TFAM: variants seen among roughly 807,000 people sequenced by gnomAD.
The protein encoded by TFAM is mitochondrial transcription factor 1.
Under a neutral mutation model 30.6 loss-of-function variants are expected in TFAM, and 13 were observed. The ratio of observed to expected loss-of-function variants is 0.42; its 90% CI spans 0.28 to 0.67. The LOEUF is 0.67. Among genes scored for constraint, TFAM ranks in the 30% least tolerant of loss-of-function variants. The probability of loss-of-function intolerance (pLI) is 0.21; values close to 1 mark genes in which losing one functional copy is unlikely to be tolerated. For synonymous variants in TFAM, 106 were observed against 94.8 expected, an observed-to-expected ratio of 1.12 and a Z score of -0.69; for missense variants, 231 against 293.7, an observed-to-expected ratio of 0.79 and a Z score of 1.56.
In TFAM at chr10:58,385,628, T is replaced by G. The variant is rs1589010422; in HGVS notation, c.81T>G (p.Ser27Arg). Residue 27 changes from serine to arginine, a missense_variant, in exon 1 of 7, where the codon AGT becomes AGG. By Grantham distance (110) the Ser-to-Arg change is moderately radical. Transcript: ENST00000487519. ...SGAELCTGCG[S>R]RLRSPFSFVY... ...CAGAGCTGTGCACCGGCTGTGGAAG[T>G]CGACTGCGCTCCCCCTTCAGGTAGG... is the stretch of plus-strand genomic sequence containing the variant. 1 of 1,558,752 alleles carries G rather than the reference T, an allele frequency of 6.4e-7. No homozygotes were observed. The highest frequency in any genetic ancestry group is 8.7e-7 in the Non-Finnish European group (1 of 1,151,012).
chr10:58,390,026 A>G (rs991027204), intron 4 of TFAM, among the ~76,000 whole-genome samples: 5 of 152,194 alleles, frequency 3.3e-5, no homozygotes, highest in African/African-American at 1.2e-4. Context: ...AGTAGTTTCA[A>G]TACTCAGTGA....
rs1344566867 is a variant in TFAM at position 58,399,185 on chromosome 10, G to A, written c.*4111G>A. Reference sequence around the variant, plus strand: ...AGTAAATAAAGTTGACTCTAAACAGGAATTTTAAATAAACTAAACATTTTT... The same window carrying A: ...AGTAAATAAAGTTGACTCTAAACAGAAATTTTAAATAAACTAAACATTTTT... On this transcript the variant is annotated 3_prime_UTR_variant, in exon 7 of 7. Transcript: ENST00000487519. 1 of 152,062 alleles carries A rather than the reference G, an allele frequency of 6.6e-6. No individual in the cohort carries two copies. Among genetic ancestry groups the A allele is most frequent in the Non-Finnish European group, 1.5e-5 (1 of 68,018 alleles). The allele number at this position is 152,062 out of a possible 1,614,324, so 9.4% of individuals were successfully genotyped here.
In TFAM at chr10:58,388,278, C is replaced by T; in HGVS notation, c.291+18C>T. The T allele has an allele frequency of 6.2e-7, 1 of 1,606,672 alleles. No individual in the cohort carries two copies. Among genetic ancestry groups the T allele is most frequent in the Non-Finnish European group, 8.5e-7 (1 of 1,173,300 alleles). ...AGAAAAAAGTAAGCACATAAGTTTT[C>T]AACATTGCTGACCAGTTATTCTGCA... On this transcript the variant is annotated intron_variant, in intron 3 of 6. Transcript: ENST00000487519.
intron 2 of TFAM, among the ~76,000 whole-genome samples, chr10:58,387,923 C>T (rs568235719): frequency 8.0e-5 from 12 of 149,740 alleles, no homozygotes; most frequent in African/African-American, 2.7e-4. Flanking sequence ...GCCTGGGTGA[C>T]GGACCCTGTC....
At position 58,396,099 on chromosome 10, in the gene TFAM, G is replaced by A. The variant is rs2132363449; in HGVS notation, c.*1025G>A. On this transcript the variant is annotated 3_prime_UTR_variant, in exon 7 of 7. Transcript: ENST00000487519. ...TTTTATGATACTTGAAAATTAACATGAATATTTAGTGTTCATAAATAAAGT... is the reference window on the plus strand; with the variant it reads ...TTTTATGATACTTGAAAATTAACATAAATATTTAGTGTTCATAAATAAAGT... 1 of 152,452 alleles carries A rather than the reference G, an allele frequency of 6.6e-6. No homozygotes were observed. Among genetic ancestry groups the A allele is most frequent in the Middle Eastern group, 3.4e-3 (1 of 296 alleles). The allele number at this position is 152,452 out of a possible 1,614,324, so 9.4% of individuals were successfully genotyped here. A position where few individuals can be genotyped will look rare whatever the true frequency, so the allele number is the denominator to read the frequency against.
intron 5 of TFAM, among the ~76,000 whole-genome samples, chr10:58,393,671 G>A (rs1367182293): frequency 6.6e-6 from 1 of 152,106 alleles, no homozygotes; most frequent in Non-Finnish European, 1.5e-5. Flanking sequence ...AGGGTTGCTT[G>A]ATTCCAGGAG....
At position 58,396,472 on chromosome 10, in the gene TFAM, A is replaced by G. The variant is rs1290308707; in HGVS notation, c.*1398A>G. 3.3e-5 allele frequency: 5 copies of G among 152,258 alleles called. No homozygotes were observed. The highest frequency in any genetic ancestry group is 1.3e-4 in the Admixed American group (2 of 15,288). The allele number at this position is 152,258 out of a possible 1,614,324, so 9.4% of individuals were successfully genotyped here. A position where few individuals can be genotyped will look rare whatever the true frequency, so the allele number is the denominator to read the frequency against. On this transcript the variant is annotated 3_prime_UTR_variant, in exon 7 of 7. Transcript: ENST00000487519. ...TCAAATTACATTGCAGTATAATGAA[A>G]AAGATCCATATACTGTGGAATGATA...
At position 58,399,032 on chromosome 10, in the gene TFAM, C is replaced by G. The variant is rs1021807339; in HGVS notation, c.*3958C>G. 1.3e-4 allele frequency: 20 copies of G among 152,190 alleles called. No individual in the cohort carries two copies. The highest frequency in any genetic ancestry group is 3.6e-4 in the African/African-American group (15 of 41,448). The allele number at this position is 152,190 out of a possible 1,614,324, so 9.4% of individuals were successfully genotyped here. ...AACCATACAAAGCTAGTGTCAGTCT[C>G]TCTCATTGTTCACAAATAAAGGACT... is the stretch of plus-strand genomic sequence containing the variant. On this transcript the variant is annotated 3_prime_UTR_variant, in exon 7 of 7. Transcript: ENST00000487519.
At chr10:58,394,811 T>C (rs1840653723) in intron 6 of TFAM, 117 bp from the exon 7 acceptor site, 2 of 990,774 alleles carry the variant, frequency 2.0e-6, no homozygotes, top group South Asian at 3.1e-5. Context: ...ACATGTAGAA[T>C]GGTAATGTAA....
At chr10:58,391,035 T>C (rs1840589139) in intron 5 of TFAM, among the ~76,000 whole-genome samples, 175 bp downstream of exon 5, 1 of 152,156 alleles carries the variant, frequency 6.6e-6, no homozygotes, top group Non-Finnish European at 1.5e-5. Context: ...AATTTAGGTA[T>C]GTAGTTGCCA....
chr10:58,386,162 T>C, intron 1 of TFAM, 58 bp from the exon 2 acceptor site: 1 of 1,081,140 alleles, frequency 9.2e-7, no homozygotes, highest in East Asian at 2.4e-5. Context: ...TTCATATACA[T>C]GTGAATATTG....
chr10:58,395,707 T>A lies in TFAM; in HGVS notation c.*633T>A, dbSNP rs1046006135. On this transcript the variant is annotated 3_prime_UTR_variant, in exon 7 of 7. Coordinates refer to ENST00000487519, the MANE Select transcript of TFAM (RefSeq NM_003201.3). ...TGCCAGATTTATGCATATTATTTTA[T>A]GTTGCATAGAATAAAATTTTTAATC... The A allele has an allele frequency of 6.7e-6, 2 of 299,730 alleles. No individual in the cohort carries two copies. The highest frequency in any genetic ancestry group is 1.2e-5 in the Non-Finnish European group (2 of 164,400). 18.6% of individuals were successfully genotyped at this position (299,730 alleles called of 1,614,324 possible).
chr10:58,392,905 G>A (rs1031937552), intron 5 of TFAM, among the ~76,000 whole-genome samples: 4 of 151,924 alleles, frequency 2.6e-5, no homozygotes, highest in Non-Finnish European at 5.9e-5. Context: ...TTGAACTCCT[G>A]AGCTCAGGTG....
intron 5 of TFAM, among the ~76,000 whole-genome samples, chr10:58,394,053 G>C (rs1279277536): frequency 6.6e-6 from 1 of 152,122 alleles, no homozygotes; most frequent in Non-Finnish European, 1.5e-5. Flanking sequence ...AAACACTGAA[G>C]CACAGATTTT....
chr10:58,388,686 A>T lies in TFAM; in HGVS notation c.308A>T (p.Tyr103Phe). The T allele has an allele frequency of 6.2e-7, 1 of 1,613,758 alleles. No individual in the cohort carries two copies. Among genetic ancestry groups the T allele is most frequent in the Non-Finnish European group, 8.5e-7 (1 of 1,179,892 alleles). The change falls in exon 4 of 7, where the codon TAT becomes TTT. Residue 103 changes from tyrosine to phenylalanine, a missense_variant. Transcript: ENST00000487519. ...DSKKKIYQDA[Y>F]RAEWQVYKEE... ...TATTTATAGATATATCAAGATGCTT[A>T]TAGGGCGGAGTGGCAGGTATATAAA...
At chr10:58,394,095 A>G (rs1424208025) in intron 5 of TFAM, among the ~76,000 whole-genome samples, 1 of 152,238 alleles carries the variant, frequency 6.6e-6, no homozygotes, top group African/African-American at 2.4e-5. Flanking sequence ...GGGAAGGAAT[A>G]AAAACAGACT....
At position 58,396,212 on chromosome 10, in the gene TFAM, A is replaced by C. The variant is rs1840678694; in HGVS notation, c.*1138A>C. The C allele has an allele frequency of 6.6e-6, 1 of 152,270 alleles. No individual in the cohort carries two copies. Among genetic ancestry groups the C allele is most frequent in the Non-Finnish European group, 1.5e-5 (1 of 67,994 alleles). 9.4% of individuals were successfully genotyped at this position (152,270 alleles called of 1,614,324 possible). On this transcript the variant is annotated 3_prime_UTR_variant, in exon 7 of 7. Coordinates refer to ENST00000487519, the MANE Select transcript of TFAM (RefSeq NM_003201.3). ...AGCTGCCACAGAAACTATAGCCCAC[A>C]AAGCCTGATATTTACTGTCTGTCTG...
chr10:58,386,632 T>A lies in TFAM; in HGVS notation c.220+294T>A, dbSNP rs1341736121. The A allele has an allele frequency of 2.4e-5, 29 of 1,186,562 alleles. No homozygotes were observed. The East Asian group carries it at 1.5e-3, about 62-fold the overall frequency. 73.5% of individuals were successfully genotyped at this position (1,186,562 alleles called of 1,614,324 possible). On this transcript the variant is annotated intron_variant, in intron 2 of 6. Transcript: ENST00000487519. ...TTTGGTCTAGAGGACCACTGATGAA[T>A]TATTTTCTCTTGCCTAGCTCCTCCT...
chr10:58,385,616 C>T lies in TFAM; in HGVS notation c.69C>T (p.Thr23=). Residue 23 remains threonine (T), a synonymous_variant, in exon 1 of 7, where the codon ACC becomes ACT. Transcript: ENST00000487519. ...ALGRSGAELC[T]GCGSRLRSPF... The stretch of plus-strand genomic sequence containing the variant: ...GAAGGTCTGGAGCAGAGCTGTGCAC[C>T]GGCTGTGGAAGTCGACTGCGCTCCC... 3 of 1,564,202 alleles carry T rather than the reference C, an allele frequency of 1.9e-6. No individual in the cohort carries two copies. Among genetic ancestry groups the T allele is most frequent in the South Asian group, 1.2e-5 (1 of 84,866 alleles).
Sources: gnomAD v4.1 joint callset for allele counts (sites outside exome capture counted in the v4.1 genomes callset) on GRCh38, gnomAD v4.1.1 for gene constraint, MANE v1.5 for transcripts, NCBI Gene and HGNC (gene_info 2026-07-23, HGNC 2026-07-21) for gene names.